The following IQCE variants were observed in gnomAD, a reference collection of about 807,000 sequenced individuals.
IQCE encodes the protein IQ domain-containing protein E.
A neutral mutation model predicts 96.0 loss-of-function variants in IQCE; 115 were observed. That is an observed-to-expected ratio of 1.20 (90% CI 1.03 to 1.40). The LOEUF is 1.40. Ranked by LOEUF, IQCE falls within the 40% of genes most tolerant of loss-of-function variation. The pLI is 0.00. For missense variants in IQCE, 1,041 were observed against 909.1 expected, an observed-to-expected ratio of 1.15 and a Z score of -1.87; for synonymous variants, 412 against 371.2, an observed-to-expected ratio of 1.11 and a Z score of -1.26.
chr7:2,605,948 G>A lies in IQCE; in HGVS notation c.1816G>A (p.Val606Ile), dbSNP rs767810121. 84 of 1,611,232 alleles carry A rather than the reference G, an allele frequency of 5.2e-5. No individual in the cohort carries two copies. Among genetic ancestry groups the A allele is most frequent in the Non-Finnish European group, 6.8e-5 (80 of 1,179,300 alleles). The change falls in exon 20 of 22, where the codon GTC (valine) becomes ATC (isoleucine). Residue 606 changes from valine (V) to isoleucine (I), a missense_variant. Physicochemically the swap from Val to Ile is conservative, Grantham distance 29 (BLOSUM62 3). Transcript: ENST00000402050. The part of the protein sequence containing the change: ...TGSPVQEEAI[V>I]IIQSALRAHL... ...CAGCCCTGTGCAGGAGGAGGCCATCGTCATCATCCAGTCCGCTCTGCGGGC... is the reference window on the plus strand; with the variant it reads ...CAGCCCTGTGCAGGAGGAGGCCATCATCATCATCCAGTCCGCTCTGCGGGC...
At chr7:2,594,041 C>T (rs1044232423) in intron 15 of IQCE, among the ~76,000 whole-genome samples, 8 of 151,874 alleles carry the variant, frequency 5.3e-5, no homozygotes, top group African/African-American at 1.9e-4. Flanking sequence ...GCGGGCAGAT[C>T]GTGAGGTCAG....
rs553694572 is a variant in IQCE at position 2,596,950 on chromosome 7, C to T, written c.1441-1515C>T. The T allele has an allele frequency of 2.5e-4, 117 of 470,428 alleles. 2 individuals are homozygous for T. Among genetic ancestry groups the T allele is most frequent in the South Asian group, 1.7e-3 (111 of 64,562 alleles). 29.1% of individuals were successfully genotyped at this position (470,428 alleles called of 1,614,324 possible). A position where few individuals can be genotyped will look rare whatever the true frequency, so the allele number is the denominator to read the frequency against. On this transcript the variant is annotated intron_variant, in intron 16 of 21. Coordinates refer to ENST00000402050, the MANE Select transcript of IQCE (RefSeq NM_152558.5). ...TGTGTGGATGTACCCAGGGCATCTT[C>T]GTCAGGGATGTTAAGATGTGCAGAC...
chr7:2,585,043 A>G (rs1350827568), intron 11 of IQCE, among the ~76,000 whole-genome samples: 2 of 136,982 alleles, frequency 1.5e-5, no homozygotes, highest in African/African-American at 2.7e-5. Flanking sequence ...GCTTCTGCTC[A>G]TAACATTTTT....
At chr7:2,563,731 A>T (rs1562616379) in intron 1 of IQCE, among the ~76,000 whole-genome samples, 1 of 151,432 alleles carries the variant, frequency 6.6e-6, no homozygotes, top group Non-Finnish European at 1.5e-5. Context: ...CGTCTCTACT[A>T]AAAATACAAA....
chr7:2,569,546 C>T (rs573650260), intron 3 of IQCE, among the ~76,000 whole-genome samples: 17 of 152,168 alleles, frequency 1.1e-4, no homozygotes, highest in Non-Finnish European at 2.1e-4. Context: ...AGGAGGGTGC[C>T]GCGGAGGTGG....
At chr7:2,592,892 T>G in intron 14 of IQCE, 130 bp from the exon 15 acceptor site, 2 of 971,660 alleles carry the variant, frequency 2.1e-6, no homozygotes, top group Non-Finnish European at 3.0e-6. Flanking sequence ...GGGCCTTTTG[T>G]GCTCCTCCTG....
intron 15 of IQCE, among the ~76,000 whole-genome samples, 158 bp from the exon 16 acceptor site, chr7:2,594,728 G>C (rs1389302370): frequency 1.3e-5 from 2 of 152,256 alleles, no homozygotes; most frequent in Non-Finnish European, 2.9e-5. Flanking sequence ...GTCATAGCTG[G>C]AGCCCTGTGG....
At chr7:2,605,632 A>G (rs917190840) in intron 19 of IQCE, among the ~76,000 whole-genome samples, 27 of 119,774 alleles carry the variant, frequency 2.3e-4, no homozygotes, top group Admixed American at 1.6e-3. Context: ...AAATAAATAA[A>G]TAAGTAAATA....
chr7:2,583,373 C>T (rs771443774), intron 9 of IQCE, among the ~76,000 whole-genome samples: 1 of 152,150 alleles, frequency 6.6e-6, no homozygotes, highest in Non-Finnish European at 1.5e-5. Context: ...AGAAGAATAT[C>T]TCTGGAAAAG....
intron 12 of IQCE, 37 bp from the exon 13 acceptor site, chr7:2,587,785 C>A: frequency 6.2e-7 from 1 of 1,608,920 alleles, no homozygotes. Context: ...GCAGTGCCCA[C>A]CAGGATGCCG....
chr7:2,610,303 C>G lies in IQCE; in HGVS notation c.*141C>G. The G allele has an allele frequency of 1.6e-6, 1 of 634,566 alleles. No homozygotes were observed. Among genetic ancestry groups the G allele is most frequent in the Non-Finnish European group, 2.8e-6 (1 of 352,336 alleles). The allele number at this position is 634,566 out of a possible 1,614,324, so 39.3% of individuals were successfully genotyped here. ...AGCATCTGCGTCGTGTCTCTTTGTG[C>G]TTTTGTTTGTGGAAGGAGACCCAAA... On this transcript the variant is annotated 3_prime_UTR_variant, in exon 22 of 22. Coordinates refer to ENST00000402050, the MANE Select transcript of IQCE (RefSeq NM_152558.5).
intron 18 of IQCE, among the ~76,000 whole-genome samples, chr7:2,603,852 A>G (rs1421880845): frequency 6.6e-6 from 1 of 152,072 alleles, no homozygotes; most frequent in African/African-American, 2.4e-5. Flanking sequence ...CTCGGTGGGC[A>G]TGCTTGTCAT....
chr7:2,587,682 C>A, intron 12 of IQCE, 140 bp from the exon 13 acceptor site: 1 of 802,112 alleles, frequency 1.2e-6, no homozygotes, highest in Non-Finnish European at 2.1e-6. Context: ...TCTCTGGTAG[C>A]CAGGACCTGT....
intron 13 of IQCE, among the ~76,000 whole-genome samples, chr7:2,588,296 A>G (rs993435886): frequency 1.2e-4 from 19 of 152,198 alleles, no homozygotes; most frequent in Non-Finnish European, 2.6e-4. Flanking sequence ...TGCGACTGCA[A>G]AGTAGGAATT....
At chr7:2,582,341 G>A (rs532071848) in intron 8 of IQCE, among the ~76,000 whole-genome samples, 7 of 152,294 alleles carry the variant, frequency 4.6e-5, no homozygotes, top group African/African-American at 7.2e-5. Context: ...GTGTGCCCAC[G>A]ATGGCTGCCA....
chr7:2,573,549 T>A, intron 6 of IQCE, 61 bp downstream of exon 6: 2 of 931,632 alleles, frequency 2.1e-6, no homozygotes, highest in Non-Finnish European at 3.5e-6. Flanking sequence ...TAACAATGTA[T>A]TAGAACATCA....
intron 13 of IQCE, among the ~76,000 whole-genome samples, chr7:2,589,498 G>A (rs1359142740): frequency 2.0e-5 from 3 of 152,204 alleles, no homozygotes; most frequent in African/African-American, 7.2e-5. Flanking sequence ...AGTGGAGGGC[G>A]GGGACGGGCT....
intron 3 of IQCE, 75 bp from the exon 4 acceptor site, chr7:2,571,451 G>C: frequency 6.3e-7 from 1 of 1,578,540 alleles, no homozygotes; most frequent in Non-Finnish European, 8.6e-7. Context: ...TCCTATTTCT[G>C]TCTTTCTGAA....
chr7:2,599,739 C>A (rs765604370), intron 17 of IQCE, among the ~76,000 whole-genome samples: 2 of 151,968 alleles, frequency 1.3e-5, no homozygotes, highest in African/African-American at 4.8e-5. Flanking sequence ...TACCTGCCTC[C>A]GCCTCCCGGA....
Sources: allele counts gnomAD v4.1 joint callset (sites outside exome capture counted in the v4.1 genomes callset), GRCh38; gene constraint gnomAD v4.1.1; transcripts MANE v1.5; gene names NCBI Gene and HGNC (gene_info 2026-07-23, HGNC 2026-07-21).